The following CDH12 variants were observed in gnomAD, a reference collection of about 807,000 sequenced individuals.
CDH12 encodes the protein cadherin 12, also known as cadherin-12.
CDH12 carries 41 observed loss-of-function variants against 74.1 expected under a neutral mutation model. That is an observed-to-expected ratio of 0.55 (90% CI 0.43 to 0.72). The LOEUF (loss-of-function observed/expected upper bound fraction) is 0.72. Ranked by LOEUF, CDH12 falls within the 30% of genes least tolerant of loss-of-function variation. CDH12 has a pLI of 0.00. For synonymous variants in CDH12, 399 were observed against 355.0 expected, an observed-to-expected ratio of 1.12 and a Z score of -1.39; for missense variants, 945 against 977.2, an observed-to-expected ratio of 0.97 and a Z score of 0.44.
intron 3 of CDH12, among the ~76,000 whole-genome samples, chr5:22,232,035 T>G (rs1245596669): frequency 6.6e-6 from 1 of 151,798 alleles, no homozygotes; most frequent in Non-Finnish European, 1.5e-5. Flanking sequence ...TAGTAGCCAC[T>G]TAAATATAAT....
intron 5 of CDH12, among the ~76,000 whole-genome samples, chr5:22,018,317 G>T (rs1357244190): frequency 6.6e-6 from 1 of 152,096 alleles, no homozygotes; most frequent in Admixed American, 6.6e-5. Flanking sequence ...TACATCTTTA[G>T]TATTGTATAA....
chr5:22,249,327 G>A lies in CDH12; in HGVS notation c.-332-36684C>T, dbSNP rs886428509. Reference sequence around the variant, plus strand: ...AGGGTATGAACTCATAGGAAAGAGAGGAAAGCAGAATGGTCATGAAAGACT... The same window carrying A: ...AGGGTATGAACTCATAGGAAAGAGAAGAAAGCAGAATGGTCATGAAAGACT... On this transcript the variant is annotated intron_variant, in intron 3 of 14. Coordinates refer to ENST00000382254, the MANE Select transcript of CDH12 (RefSeq NM_004061.5). Among the ~76,000 whole-genome samples, 9 of 152,186 alleles carry A rather than the reference G, an allele frequency of 5.9e-5. No individual in the cohort carries two copies. In the East Asian group the frequency reaches 1.5e-3, roughly 26 times the overall value.
chr5:22,733,409 C>T (rs979256381), intron 1 of CDH12, among the ~76,000 whole-genome samples: 8 of 150,368 alleles, frequency 5.3e-5, no homozygotes, highest in Admixed American at 3.3e-4. Flanking sequence ...GATCTTTTAT[C>T]GAAATTAAAC....
chr5:21,768,510 TC>T (rs111430249), intron 11 of CDH12, among the ~76,000 whole-genome samples: 63 of 152,070 alleles, frequency 4.1e-4, no homozygotes, highest in African/African-American at 1.5e-3. Context: ...GATAAAGGAA[TC>T]TTTTAAATTG....
intron 2 of CDH12, among the ~76,000 whole-genome samples, chr5:22,485,521 T>C (rs1055335279): frequency 3.3e-5 from 5 of 152,234 alleles, no homozygotes; most frequent in Non-Finnish European, 7.3e-5. Flanking sequence ...TTTATTCTTA[T>C]GCTTTTTTCC....
chr5:21,782,401 G>A (rs143040818), intron 11 of CDH12, among the ~76,000 whole-genome samples: 14 of 152,246 alleles, frequency 9.2e-5, no homozygotes, highest in Non-Finnish European at 1.8e-4. Context: ...ATGTTTGTTC[G>A]GAGTTGTTGA....
chr5:22,270,404 G>C (rs1736340723), intron 3 of CDH12, among the ~76,000 whole-genome samples: 1 of 151,826 alleles, frequency 6.6e-6, no homozygotes, highest in African/African-American at 2.4e-5. Context: ...GACCATCCTG[G>C]ATAACATGGT....
At position 21,826,453 on chromosome 5, in the gene CDH12, A is replaced by G. The variant is rs544696114; in HGVS notation, c.815-9321T>C. 4.6e-5 allele frequency among the ~76,000 whole-genome samples: 7 copies of G among 152,240 alleles called. No homozygotes were observed. In the South Asian group the frequency reaches 1.0e-3, roughly 23 times the overall value. On this transcript the variant is annotated intron_variant, in intron 8 of 14. Coordinates refer to ENST00000382254, the MANE Select transcript of CDH12 (RefSeq NM_004061.5). ...AATCACTCAAATCTGTTGACACGCT[A>G]CCATTTTTCACAATGGCCCTGGTCA... is the stretch of plus-strand genomic sequence containing the variant.
At chr5:22,757,540 A>G (rs969794968) in intron 1 of CDH12, among the ~76,000 whole-genome samples, 1 of 152,312 alleles carries the variant, frequency 6.6e-6, no homozygotes, top group Admixed American at 6.5e-5. Context: ...TGCTCAGGTA[A>G]AAGTTCTATT....
intron 6 of CDH12, among the ~76,000 whole-genome samples, chr5:21,951,862 A>G (rs1380199961): frequency 6.6e-6 from 1 of 152,178 alleles, no homozygotes; most frequent in Non-Finnish European, 1.5e-5. Context: ...AGCAAGAGTG[A>G]GGGAAAGTTC....
intron 1 of CDH12, among the ~76,000 whole-genome samples, chr5:22,741,869 C>A (rs1250669261): frequency 1.3e-5 from 2 of 152,128 alleles, no homozygotes. Context: ...TTATGATGAA[C>A]AAAATGCTTT....
intron 1 of CDH12, among the ~76,000 whole-genome samples, chr5:22,588,708 C>G (rs1318472499): frequency 6.6e-6 from 1 of 152,088 alleles, no homozygotes; most frequent in Non-Finnish European, 1.5e-5. Flanking sequence ...ATGCTATCAG[C>G]TCACTGTCAA....
At chr5:22,237,581 T>A (rs1431183365) in intron 3 of CDH12, among the ~76,000 whole-genome samples, 2 of 152,148 alleles carry the variant, frequency 1.3e-5, no homozygotes, top group Non-Finnish European at 2.9e-5. Context: ...AGACTGAATT[T>A]GCCAGTGCCC....
chr5:22,508,320 T>C (rs1382869620), intron 1 of CDH12, among the ~76,000 whole-genome samples: 3 of 152,160 alleles, frequency 2.0e-5, no homozygotes, highest in Non-Finnish European at 4.4e-5. Flanking sequence ...TTTAACCTTG[T>C]ATATGGTGAC....
intron 4 of CDH12, among the ~76,000 whole-genome samples, chr5:22,157,599 C>T (rs1454032572): frequency 6.6e-6 from 1 of 151,062 alleles, no homozygotes; most frequent in Non-Finnish European, 1.5e-5. Context: ...AAAAAAAATT[C>T]CCCTTCTATT....
intron 3 of CDH12, among the ~76,000 whole-genome samples, chr5:22,245,021 G>A (rs1426567442): frequency 6.6e-6 from 1 of 152,162 alleles, no homozygotes; most frequent in Admixed American, 6.5e-5. Flanking sequence ...TATGGTGGAG[G>A]CGCAGCAGCC....
chr5:22,164,202 C>T (rs1561179706), intron 4 of CDH12, among the ~76,000 whole-genome samples: 1 of 152,310 alleles, frequency 6.6e-6, no homozygotes, highest in East Asian at 1.9e-4. Context: ...GCCTCATGCT[C>T]TCTGACTTGG....
chr5:21,795,425 A>T (rs1746726788), intron 10 of CDH12, among the ~76,000 whole-genome samples: 1 of 151,946 alleles, frequency 6.6e-6, no homozygotes, highest in African/African-American at 2.4e-5. Context: ...AATTAGTATT[A>T]TATAGGTCAA....
chr5:22,585,363 T>C (rs1740329949), intron 1 of CDH12, among the ~76,000 whole-genome samples: 1 of 152,188 alleles, frequency 6.6e-6, no homozygotes, highest in African/African-American at 2.4e-5. Context: ...AATGATTTCT[T>C]TAGGCATAGA....
Sources: allele counts gnomAD v4.1 joint callset (sites outside exome capture counted in the v4.1 genomes callset), GRCh38; gene constraint gnomAD v4.1.1; transcripts MANE v1.5; gene names NCBI Gene and HGNC (gene_info 2026-07-23, HGNC 2026-07-21).